The following RNF217 variants were observed in gnomAD, a reference collection of about 807,000 sequenced individuals.
The protein encoded by RNF217 is ring finger protein 217, also known as E3 ubiquitin-protein ligase RNF217.
Under a neutral mutation model 57.8 loss-of-function variants are expected in RNF217, and 31 were observed. The observed-to-expected ratio is 0.54, with a 90% CI of 0.40 to 0.72. The LOEUF is 0.72. Among genes scored for constraint, RNF217 ranks in the 30% least tolerant of loss-of-function variants. The pLI is 0.00. For synonymous variants in RNF217, 313 were observed against 294.0 expected, an observed-to-expected ratio of 1.06 and a Z score of -0.66; for missense variants, 696 against 708.3, an observed-to-expected ratio of 0.98 and a Z score of 0.20.
rs370348157 is a variant in RNF217 at position 124,962,823 on chromosome 6, C to T, written c.279C>T (p.Thr93=). The change falls in exon 1 of 6, where the codon ACC becomes ACT. Residue 93 remains threonine, a synonymous_variant. Coordinates refer to ENST00000521654, the MANE Select transcript of RNF217 (RefSeq NM_001286398.3). The surrounding 1 kb of genome is among the most constrained non-coding windows in gnomAD (Gnocchi z 4.6). ...APAQPAGLAL[T]GPLNPQTLPL... ...CGCAGCCTGCGGGACTGGCACTCACCGGGCCTCTCAATCCCCAGACCTTGC... is the reference window on the plus strand; with the variant it reads ...CGCAGCCTGCGGGACTGGCACTCACTGGGCCTCTCAATCCCCAGACCTTGC... 172 of 1,597,838 alleles carry T rather than the reference C, an allele frequency of 1.1e-4. 3 individuals are homozygous for T. The East Asian group carries it at 1.5e-3, about 14-fold the overall frequency.
intron 2 of RNF217, among the ~76,000 whole-genome samples, chr6:125,055,444 T>C (rs796130864): frequency 2.0e-5 from 3 of 152,340 alleles, no homozygotes; most frequent in African/African-American, 7.2e-5. Flanking sequence ...CATGCATTGC[T>C]ATAATTGTCT....
chr6:125,064,734 G>A (rs1787868700), intron 3 of RNF217, among the ~76,000 whole-genome samples: 1 of 151,986 alleles, frequency 6.6e-6, no homozygotes, highest in Admixed American at 6.6e-5. Flanking sequence ...ATTTTAAAAT[G>A]AGGACAAAAT....
chr6:124,962,460 C>G lies in RNF217; in HGVS notation c.-85C>G, dbSNP rs1191783117. ...GCAGAAGCGGAGCCGCGAGTCGAGC[C>G]GAGCCACTGCCCCCGCTGCCCGCGG... On this transcript the variant is annotated 5_prime_UTR_variant, in exon 1 of 6. Coordinates refer to ENST00000521654, the MANE Select transcript of RNF217 (RefSeq NM_001286398.3). The surrounding 1 kb of genome is among the most constrained non-coding windows in gnomAD (Gnocchi z 4.6). 6 of 526,924 alleles carry G rather than the reference C, an allele frequency of 1.1e-5. No individual in the cohort carries two copies. Among genetic ancestry groups the G allele is most frequent in the Admixed American group, 1.1e-4 (2 of 18,884 alleles). The allele number at this position is 526,924 out of a possible 1,614,324, so 32.6% of individuals were successfully genotyped here. A position where few individuals can be genotyped will look rare whatever the true frequency, so the allele number is the denominator to read the frequency against.
At chr6:125,046,510 C>G (rs114121932) in intron 2 of RNF217, 4,565 of 444,644 alleles carry the variant, frequency 0.01, 207 homozygotes, top group African/African-American at 0.085. Context: ...ATTTTTGAGC[C>G]TCACCAGGTG....
At chr6:125,049,740 G>A (rs1787237955) in intron 2 of RNF217, among the ~76,000 whole-genome samples, 1 of 151,746 alleles carries the variant, frequency 6.6e-6, no homozygotes, top group South Asian at 2.1e-4. Context: ...AGCAACCCTG[G>A]GTATTGAGAA....
chr6:124,978,327 A>G (rs1239287885), intron 1 of RNF217, among the ~76,000 whole-genome samples: 1 of 151,828 alleles, frequency 6.6e-6, no homozygotes, highest in East Asian at 1.9e-4. Context: ...GGCAGGCTGC[A>G]TTCCGCTTGT....
chr6:125,047,320 T>C (rs143243943), intron 2 of RNF217, among the ~76,000 whole-genome samples: 60 of 152,220 alleles, frequency 3.9e-4, no homozygotes, highest in Middle Eastern at 3.4e-3. Context: ...GTCACAATTA[T>C]GGCAATAGTG....
chr6:125,001,220 G>A (rs201121902), intron 1 of RNF217, among the ~76,000 whole-genome samples: 3 of 152,140 alleles, frequency 2.0e-5, no homozygotes, highest in East Asian at 3.9e-4. Context: ...GCTGAATTTA[G>A]TATTTATGTG....
chr6:125,077,295 T>C (rs1260489684), intron 4 of RNF217, among the ~76,000 whole-genome samples: 1 of 152,120 alleles, frequency 6.6e-6, no homozygotes, highest in East Asian at 1.9e-4. Context: ...ATCTACCTTT[T>C]AGAGCCCTGT....
At chr6:124,968,261 T>C (rs1481482688) in intron 1 of RNF217, among the ~76,000 whole-genome samples, 1 of 152,160 alleles carries the variant, frequency 6.6e-6, no homozygotes, top group Non-Finnish European at 1.5e-5. Flanking sequence ...AAATCTGTTT[T>C]GAGGTCACTC....
intron 3 of RNF217, among the ~76,000 whole-genome samples, chr6:125,070,089 T>C (rs1375613214): frequency 1.3e-5 from 2 of 152,156 alleles, no homozygotes; most frequent in Non-Finnish European, 2.9e-5. Flanking sequence ...CCACTTATAA[T>C]TGAGACCATA....
chr6:124,972,965 GT>G (rs1030404106), intron 1 of RNF217, among the ~76,000 whole-genome samples: 1 of 152,074 alleles, frequency 6.6e-6, no homozygotes, highest in Non-Finnish European at 1.5e-5. Flanking sequence ...TTATTAATCT[GT>G]TTTTTACTAA....
intron 1 of RNF217, chr6:125,009,141 C>A (rs930248780): frequency 2.2e-6 from 3 of 1,365,118 alleles, no homozygotes; most frequent in Non-Finnish European, 2.0e-6. Flanking sequence ...GTTCTTTGAC[C>A]TTTTGCCATT....
intron 2 of RNF217, among the ~76,000 whole-genome samples, chr6:125,053,695 C>T (rs140982501): frequency 4.3e-4 from 65 of 152,050 alleles, no homozygotes; most frequent in African/African-American, 1.5e-3. Flanking sequence ...GCAGGTGAGT[C>T]GGCGTACTTT....
intron 1 of RNF217, among the ~76,000 whole-genome samples, chr6:125,009,691 G>A (rs553068108): frequency 6.0e-5 from 9 of 150,658 alleles, no homozygotes; most frequent in East Asian, 3.9e-4. Flanking sequence ...CTCTAAAAAC[G>A]TAGACAGATA....
intron 3 of RNF217, among the ~76,000 whole-genome samples, chr6:125,073,160 G>A (rs1451505332): frequency 6.6e-6 from 1 of 152,112 alleles, no homozygotes; most frequent in African/African-American, 2.4e-5. Flanking sequence ...TTGGGTTTTC[G>A]GCAGTTGTCT....
intron 1 of RNF217, among the ~76,000 whole-genome samples, chr6:125,004,886 T>C (rs914801834): frequency 3.3e-5 from 5 of 152,184 alleles, no homozygotes; most frequent in African/African-American, 1.2e-4. Context: ...TTTTTGCTGC[T>C]ATAACAGAAT....
intron 3 of RNF217, among the ~76,000 whole-genome samples, chr6:125,070,129 T>C (rs1274148981): frequency 6.6e-6 from 1 of 152,200 alleles, no homozygotes; most frequent in East Asian, 1.9e-4. Flanking sequence ...CCTGAGTTAC[T>C]TCACTTAGAG....
Position 125,087,202 on chromosome 6 carries a change from C to T in RNF217, c.*4265C>T, listed in dbSNP as rs889316674. 9 of 152,142 alleles carry T rather than the reference C, an allele frequency of 5.9e-5. No individual in the cohort carries two copies. Among genetic ancestry groups the T allele is most frequent in the South Asian group, 2.1e-4 (1 of 4,830 alleles). 9.4% of individuals were successfully genotyped at this position (152,142 alleles called of 1,614,324 possible). On this transcript the variant is annotated 3_prime_UTR_variant, in exon 6 of 6. Transcript: ENST00000521654. ...AAATGAAATTGTTTTTAACATTACA[C>T]TTTTATACTGGCTGTTACATTAGAA...
Sources: allele counts gnomAD v4.1 joint callset (sites outside exome capture counted in the v4.1 genomes callset), GRCh38; gene constraint gnomAD v4.1.1; non-coding constraint Gnocchi (gnomAD v3.1); transcripts MANE v1.5; gene names NCBI Gene and HGNC (gene_info 2026-07-23, HGNC 2026-07-21).